CHRM5: variants seen among roughly 807,000 people sequenced by gnomAD.
CHRM5 encodes muscarinic acetylcholine receptor M5.
Under a neutral mutation model 39.0 loss-of-function variants are expected in CHRM5, and 18 were observed. The ratio of observed to expected loss-of-function variants is 0.46; its 90% confidence interval spans 0.32 to 0.68. CHRM5 has a LOEUF of 0.68. Ranked by LOEUF, CHRM5 falls within the 30% of genes least tolerant of loss-of-function variation. CHRM5 has a pLI of 0.04. For synonymous variants in CHRM5, 241 were observed against 246.3 expected, an observed-to-expected ratio of 0.98 and a Z score of 0.20; for missense variants, 515 against 651.1, an observed-to-expected ratio of 0.79 and a Z score of 2.28.
At chr15:34,031,082 TCA>T (rs1226526221) in intron 1 of CHRM5, among the ~76,000 whole-genome samples, 1 of 150,178 alleles carries the variant, frequency 6.7e-6, no homozygotes, top group East Asian at 2.0e-4. Flanking sequence ...AATAGAGGAA[TCA>T]CAACACTGAT....
chr15:34,018,658 C>T (rs1898064109), intron 1 of CHRM5, among the ~76,000 whole-genome samples: 1 of 152,200 alleles, frequency 6.6e-6, no homozygotes, highest in African/African-American at 2.4e-5. Flanking sequence ...AAAGCTTCCA[C>T]AGAATGGAAA....
At chr15:34,038,918 GCCGC>G in intron 1 of CHRM5, 4 of 715,926 alleles carry the variant, frequency 5.6e-6, no homozygotes, top group Non-Finnish European at 5.2e-6. Flanking sequence ...CGTCCCCGCC[GCCGC>G]CTCCGCCGCC....
intron 1 of CHRM5, among the ~76,000 whole-genome samples, chr15:34,023,453 C>G (rs768713533): frequency 2.0e-4 from 30 of 152,158 alleles, no homozygotes; most frequent in Non-Finnish European, 4.0e-4. Context: ...CCGATACACA[C>G]CAGAGCTCAG....
chr15:34,031,996 C>T (rs534489968), intron 1 of CHRM5, among the ~76,000 whole-genome samples: 1 of 144,852 alleles, frequency 6.9e-6, no homozygotes, highest in South Asian at 2.4e-4. Flanking sequence ...ATTTCTGGCA[C>T]CTCAACACAC....
chr15:34,045,181 T>C (rs1167259622), intron 1 of CHRM5, among the ~76,000 whole-genome samples: 2 of 152,244 alleles, frequency 1.3e-5, no homozygotes, highest in Non-Finnish European at 2.9e-5. Flanking sequence ...AAAGATGAAC[T>C]CTTTCAGTTC....
At chr15:34,049,980 T>C (rs375519512) in intron 2 of CHRM5, among the ~76,000 whole-genome samples, 5 of 151,226 alleles carry the variant, frequency 3.3e-5, no homozygotes, top group African/African-American at 1.2e-4. Context: ...CTCTGCCTCC[T>C]GGATTCAAGC....
At chr15:34,039,151 C>T (rs918327755) in intron 1 of CHRM5, 13 of 967,358 alleles carry the variant, frequency 1.3e-5, no homozygotes, top group Admixed American at 5.7e-5. Context: ...GCGAAAGGCG[C>T]CCGGTAGCAG....
At chr15:34,032,654 A>G (rs1898912277) in intron 1 of CHRM5, among the ~76,000 whole-genome samples, 1 of 152,190 alleles carries the variant, frequency 6.6e-6, no homozygotes, top group Non-Finnish European at 1.5e-5. Flanking sequence ...CAAGGAGTAT[A>G]TGAGCAGTAT....
intron 1 of CHRM5, among the ~76,000 whole-genome samples, chr15:34,009,068 G>A (rs760665030): frequency 6.6e-5 from 10 of 151,840 alleles, no homozygotes; most frequent in South Asian, 2.1e-4. Context: ...CTTCTCATCA[G>A]AATCAACGGA....
chr15:33,992,259 G>T (rs1053381814), intron 1 of CHRM5, among the ~76,000 whole-genome samples: 1 of 152,098 alleles, frequency 6.6e-6, no homozygotes, highest in Non-Finnish European at 1.5e-5. Context: ...GCGTGGTGGC[G>T]GGCACCTGTA....
intron 1 of CHRM5, chr15:34,003,222 G>C (rs747117443): frequency 1.2e-6 from 2 of 1,611,810 alleles, no homozygotes; most frequent in Non-Finnish European, 8.5e-7. Context: ...GCAATCATTA[G>C]AGACAAATCA....
chr15:34,024,975 G>A (rs140509176), intron 1 of CHRM5, among the ~76,000 whole-genome samples: 2,612 of 151,990 alleles, frequency 0.017, 86 homozygotes, highest in African/African-American at 0.056. Context: ...CTGAGGTCAG[G>A]ATTTTGAGAC....
At chr15:34,008,397 G>A (rs879793099) in intron 1 of CHRM5, among the ~76,000 whole-genome samples, 3 of 151,402 alleles carry the variant, frequency 2.0e-5, no homozygotes, top group Admixed American at 6.6e-5. Context: ...TGAAGCCTGG[G>A]GGACAGAGCA....
chr15:34,044,039 A>C lies in CHRM5; in HGVS notation c.-407-2501A>C, dbSNP rs559840093. ...CCCTGCACATCAGTTGGTACCTTCT[A>C]ATGAATCATTCACATTAGCATACAA... is the stretch of plus-strand genomic sequence containing the variant. On this transcript the variant is annotated intron_variant, in intron 1 of 2. Coordinates refer to ENST00000383263, the MANE Select transcript of CHRM5 (RefSeq NM_012125.4). Among the ~76,000 whole-genome samples the C allele has an allele frequency of 2.6e-5, 4 of 152,110 alleles. No homozygotes were observed. The South Asian group carries it at 8.3e-4, about 32-fold the overall frequency.
At chr15:33,997,369 G>C (rs551572602) in intron 1 of CHRM5, among the ~76,000 whole-genome samples, 31 of 152,220 alleles carry the variant, frequency 2.0e-4, no homozygotes, top group African/African-American at 5.5e-4. Context: ...GTGAGCAGCA[G>C]TTCACAAAGA....
At position 34,021,913 on chromosome 15, in the gene CHRM5, GA is replaced by G. The variant is rs1252277460; in HGVS notation, c.-407-24622del. ...CACTTCCACATGGCAACATTAACAT[GA>G]AAAAGAAGTGAGCACCCACAGCACT... On this transcript the variant is annotated intron_variant, in intron 1 of 2. Coordinates refer to ENST00000383263, the MANE Select transcript of CHRM5 (RefSeq NM_012125.4). Among the ~76,000 whole-genome samples, 22 of 152,202 alleles carry G rather than the reference GA, an allele frequency of 1.4e-4. No homozygotes were observed. In the South Asian group the frequency reaches 4.6e-3, roughly 32 times the overall value.
At chr15:33,981,063 C>G (rs538332452) in intron 1 of CHRM5, among the ~76,000 whole-genome samples, 1 of 138,880 alleles carries the variant, frequency 7.2e-6, no homozygotes, top group Admixed American at 7.9e-5. Context: ...TATAAACATA[C>G]AATCACAACT....
At chr15:34,003,761 C>T (rs1444673816) in intron 1 of CHRM5, among the ~76,000 whole-genome samples, 1 of 152,146 alleles carries the variant, frequency 6.6e-6, no homozygotes, top group Non-Finnish European at 1.5e-5. Context: ...CATGGTACTA[C>T]ATTTATACAT....
At chr15:34,010,871 T>A (rs531723953) in intron 1 of CHRM5, among the ~76,000 whole-genome samples, 1 of 152,230 alleles carries the variant, frequency 6.6e-6, no homozygotes. Flanking sequence ...ACTTTTATAT[T>A]TGTAAACCTA....
Sources: allele counts gnomAD v4.1 joint callset (sites outside exome capture counted in the v4.1 genomes callset), GRCh38; gene constraint gnomAD v4.1.1; transcripts MANE v1.5; gene names NCBI Gene and HGNC (gene_info 2026-07-23, HGNC 2026-07-21).